The following CPA6 variants were observed in gnomAD, a reference collection of about 807,000 sequenced individuals.
CPA6 encodes the protein carboxypeptidase B.
A neutral mutation model predicts 63.3 loss-of-function variants in CPA6; 58 were observed. The ratio of observed to expected loss-of-function variants is 0.92; its 90% CI spans 0.74 to 1.14. CPA6 has a LOEUF of 1.14. Among genes scored for constraint, CPA6 ranks in the 50% most tolerant of loss-of-function variants. The pLI, the probability that CPA6 is intolerant of heterozygous loss-of-function variation, is 0.00. For missense variants in CPA6, 565 were observed against 526.6 expected (o/e 1.07, Z -0.71); for synonymous variants, 185 against 179.0 (o/e 1.03, Z -0.27).
intron 2 of CPA6, among the ~76,000 whole-genome samples, chr8:67,546,127 G>A (rs890086410): frequency 6.6e-6 from 1 of 152,118 alleles, no homozygotes; most frequent in Non-Finnish European, 1.5e-5. Flanking sequence ...GGTGGTTTCA[G>A]GTTTTGTGGG....
intron 2 of CPA6, among the ~76,000 whole-genome samples, chr8:67,587,652 T>G (rs1813981969): frequency 6.6e-6 from 1 of 151,976 alleles, no homozygotes; most frequent in Admixed American, 6.6e-5. Flanking sequence ...CAGGCCAGAT[T>G]TATGAGGAGA....
chr8:67,524,184 C>A (rs1354129431), intron 2 of CPA6, among the ~76,000 whole-genome samples: 1 of 152,172 alleles, frequency 6.6e-6, no homozygotes, highest in Non-Finnish European at 1.5e-5. Context: ...TCTTGGAGAG[C>A]TTCTCTACCC....
intron 1 of CPA6, among the ~76,000 whole-genome samples, chr8:67,664,460 G>A (rs886478600): frequency 6.6e-6 from 1 of 152,202 alleles, no homozygotes; most frequent in Non-Finnish European, 1.5e-5. Context: ...GGGGTACTGT[G>A]CCCAAATGTA....
intron 2 of CPA6, among the ~76,000 whole-genome samples, chr8:67,572,953 G>C (rs1481918934): frequency 6.6e-6 from 1 of 152,186 alleles, no homozygotes; most frequent in African/African-American, 2.4e-5. Context: ...TTATTCCTGG[G>C]ATGCAAGGAT....
chr8:67,541,430 G>A (rs540084217), intron 2 of CPA6, among the ~76,000 whole-genome samples: 15 of 152,190 alleles, frequency 9.9e-5, no homozygotes, highest in African/African-American at 3.6e-4. Context: ...TGATCTAATC[G>A]GTTGTTTGCA....
intron 2 of CPA6, among the ~76,000 whole-genome samples, chr8:67,614,132 G>A (rs763648739): frequency 5.3e-5 from 8 of 152,190 alleles, no homozygotes; most frequent in Non-Finnish European, 7.3e-5. Flanking sequence ...AAAGGCAGAG[G>A]GACCATTGAG....
chr8:67,579,425 G>GA (rs1318197104), intron 2 of CPA6, among the ~76,000 whole-genome samples: 54 of 152,118 alleles, frequency 3.5e-4, no homozygotes, highest in African/African-American at 1.2e-3. Context: ...CCACAAAAAA[G>GA]AAAAAACCTA....
intron 1 of CPA6, among the ~76,000 whole-genome samples, chr8:67,647,638 A>C (rs1338064186): frequency 6.6e-6 from 1 of 152,176 alleles, no homozygotes; most frequent in Non-Finnish European, 1.5e-5. Context: ...AATGTAATGA[A>C]ATTGTTCTCT....
At chr8:67,430,047 T>G (rs1461853662) in intron 9 of CPA6, among the ~76,000 whole-genome samples, 1 of 152,138 alleles carries the variant, frequency 6.6e-6, no homozygotes, top group Non-Finnish European at 1.5e-5. Context: ...GATCCCTCTT[T>G]TTTCTACTGT....
At chr8:67,569,591 A>C (rs570135735) in intron 2 of CPA6, 102 of 457,760 alleles carry the variant, frequency 2.2e-4, no homozygotes, top group South Asian at 1.7e-3. Flanking sequence ...GCAGCAGCTG[A>C]AATTGATGAA....
Position 67,428,103 on chromosome 8 carries a change from G to T in CPA6, c.1070C>A (p.Ala357Glu). The T allele has an allele frequency of 6.2e-7, 1 of 1,612,502 alleles. No homozygotes were observed. The highest frequency in any genetic ancestry group is 8.5e-7 in the Non-Finnish European group (1 of 1,178,746). ...TCGTACCCCGTATACTGACTGAAGT[G>T]CATTCACAGCTTTATAAGCTGCAGA... Reference protein sequence around the residue: ...VESAAYKAVNALQSVYGVRYR... With the variant: ...VESAAYKAVNELQSVYGVRYR... The change falls in exon 10 of 11, where the codon GCA (alanine) becomes GAA (glutamate). Residue 357 changes from alanine (A) to glutamate (E), a missense_variant. Ala to Glu is a moderately radical substitution (Grantham distance 107). Transcript: ENST00000297770.
intron 6 of CPA6, among the ~76,000 whole-genome samples, chr8:67,501,592 C>A (rs1811830955): frequency 1.3e-5 from 2 of 152,082 alleles, no homozygotes; most frequent in Admixed American, 1.3e-4. Context: ...GATTGCATCC[C>A]TGAAATAAAT....
intron 8 of CPA6, among the ~76,000 whole-genome samples, chr8:67,462,366 T>C (rs1810833038): frequency 6.6e-6 from 1 of 152,242 alleles, no homozygotes; most frequent in Non-Finnish European, 1.5e-5. Flanking sequence ...TCTGGCTAAA[T>C]ATAGTATTTT....
intron 2 of CPA6, among the ~76,000 whole-genome samples, chr8:67,524,312 T>C (rs34860297): frequency 0.41 from 62,406 of 152,022 alleles, 13,469 homozygotes; most frequent in African/African-American, 0.56. Flanking sequence ...CCTAGGGCCG[T>C]CATAACAAAT....
At chr8:67,701,112 G>A (rs1817015814) in intron 1 of CPA6, among the ~76,000 whole-genome samples, 1 of 152,266 alleles carries the variant, frequency 6.6e-6, no homozygotes, top group African/African-American at 2.4e-5. Flanking sequence ...GAAAGAGCAT[G>A]GAGTTTGAAG....
chr8:67,537,984 G>T (rs905080751), intron 2 of CPA6, among the ~76,000 whole-genome samples: 7 of 152,220 alleles, frequency 4.6e-5, no homozygotes, highest in Non-Finnish European at 8.8e-5. Context: ...TTCCCATGGA[G>T]TTGTGTAGTT....
rs150832202 is a variant in CPA6 at position 67,663,017 on chromosome 8, GT to G, written c.117-38767del. On this transcript the variant is annotated intron_variant, in intron 1 of 10. Transcript: ENST00000297770. ...CAGGCAAGTGAGGCTGCGGGCCACT[GT>G]TGGTGACAGAGCCCATTTCCTGACA... 6.9e-3 allele frequency among the ~76,000 whole-genome samples: 1,049 copies of G among 152,316 alleles called. 7 individuals carry two copies. Among genetic ancestry groups the G allele is most frequent in the African/African-American group, 0.024 (989 of 41,560 alleles).
intron 2 of CPA6, among the ~76,000 whole-genome samples, chr8:67,613,494 G>T (rs1240577801): frequency 6.6e-6 from 1 of 152,198 alleles, no homozygotes; most frequent in Non-Finnish European, 1.5e-5. Context: ...CACAGTATGT[G>T]GACAAATTGC....
At chr8:67,654,481 T>A (rs904291484) in intron 1 of CPA6, among the ~76,000 whole-genome samples, 3 of 152,162 alleles carry the variant, frequency 2.0e-5, no homozygotes, top group Admixed American at 2.0e-4. Flanking sequence ...GGAGGGTGTA[T>A]GTGTTGAGGA....
Sources: gnomAD v4.1 joint callset for allele counts (sites outside exome capture counted in the v4.1 genomes callset) on GRCh38, gnomAD v4.1.1 for gene constraint, MANE v1.5 for transcripts, NCBI Gene and HGNC (gene_info 2026-07-23, HGNC 2026-07-21) for gene names.